The following CRTC3 variants were observed in gnomAD, a reference collection of about 807,000 sequenced individuals.
CRTC3 encodes the protein CREB-regulated transcription coactivator 3.
Under a neutral mutation model 74.5 loss-of-function variants are expected in CRTC3, and 26 were observed. That is an observed-to-expected ratio of 0.35 (90% CI 0.26 to 0.48). The LOEUF is 0.48. Ranked by LOEUF, CRTC3 falls within the 20% of genes least tolerant of loss-of-function variation. The probability of loss-of-function intolerance (pLI) is 0.99; values close to 1 mark genes in which losing one functional copy is unlikely to be tolerated. For missense variants in CRTC3, 760 were observed against 787.3 expected (o/e 0.97, Z 0.41); for synonymous variants, 377 against 325.8 (o/e 1.16, Z -1.69).
intron 2 of CRTC3, among the ~76,000 whole-genome samples, chr15:90,561,546 G>A (rs757650897): frequency 6.6e-6 from 1 of 152,218 alleles, no homozygotes; most frequent in Non-Finnish European, 1.5e-5. Flanking sequence ...GGCGGTGGCA[G>A]TGTAGGACCA....
At chr15:90,544,698 C>T (rs946666487) in intron 2 of CRTC3, among the ~76,000 whole-genome samples, 3 of 152,178 alleles carry the variant, frequency 2.0e-5, no homozygotes, top group Admixed American at 6.5e-5. Flanking sequence ...TATAAGAAAT[C>T]GCCAAGCTGT....
chr15:90,633,227 C>G (rs761760548), intron 11 of CRTC3, among the ~76,000 whole-genome samples: 1 of 146,158 alleles, frequency 6.8e-6, no homozygotes, highest in Non-Finnish European at 1.5e-5. Context: ...TTTTATTAGC[C>G]TGGTTATCTA....
At chr15:90,622,516 A>T (rs1019523109) in intron 9 of CRTC3, among the ~76,000 whole-genome samples, 5 of 152,046 alleles carry the variant, frequency 3.3e-5, no homozygotes, top group African/African-American at 1.2e-4. Flanking sequence ...CTAGTCCTTG[A>T]TCTTTAACCC....
At chr15:90,605,950 C>T (rs1466095073) in intron 5 of CRTC3, among the ~76,000 whole-genome samples, 3 of 152,240 alleles carry the variant, frequency 2.0e-5, no homozygotes, top group Non-Finnish European at 1.5e-5. Context: ...TTTAGGACTA[C>T]TTTACAGCCT....
At chr15:90,635,452 C>G (rs1969198618) in intron 11 of CRTC3, among the ~76,000 whole-genome samples, 3 of 152,122 alleles carry the variant, frequency 2.0e-5, no homozygotes, top group African/African-American at 7.2e-5. Flanking sequence ...CGAGACCAGC[C>G]TGGCCAACAT....
At chr15:90,621,707 C>T (rs1206687364) in intron 9 of CRTC3, among the ~76,000 whole-genome samples, 1 of 152,136 alleles carries the variant, frequency 6.6e-6, no homozygotes, top group Non-Finnish European at 1.5e-5. Flanking sequence ...CCTCCCAAAG[C>T]ACTGGGATTA....
At chr15:90,640,342 C>T (rs929600098) in intron 13 of CRTC3, among the ~76,000 whole-genome samples, 8 of 152,028 alleles carry the variant, frequency 5.3e-5, no homozygotes, top group African/African-American at 1.9e-4. Flanking sequence ...CCTGAGTTTC[C>T]TCCTTCTGAG....
In CRTC3 at chr15:90,531,555, A is replaced by G. The variant is rs540838030; in HGVS notation, c.132+1352A>G. On this transcript the variant is annotated intron_variant, in intron 1 of 14. Transcript: ENST00000268184. ...TCACATTGAGAAAAAATATATATAT[A>G]GAGAGAAAGAAGCTGAAGATTTCAA... Among the ~76,000 whole-genome samples, 3 of 152,326 alleles carry G rather than the reference A, an allele frequency of 2.0e-5. No homozygotes were observed. The South Asian group carries it at 6.2e-4, about 32-fold the overall frequency.
intron 2 of CRTC3, among the ~76,000 whole-genome samples, chr15:90,582,432 C>T (rs76824949): frequency 0.021 from 3,154 of 152,210 alleles, 99 homozygotes; most frequent in African/African-American, 0.073. Flanking sequence ...TTCATTTTAT[C>T]GTGGAAATTT....
rs970869965 is a variant in CRTC3, at chr15:90,642,653, G to A, written c.*513G>A. The A allele has an allele frequency of 4.2e-6, 1 of 237,742 alleles. No homozygotes were observed. The highest frequency in any genetic ancestry group is 2.2e-5 in the African/African-American group (1 of 45,216). The allele number at this position is 237,742 out of a possible 1,614,324, so 14.7% of individuals were successfully genotyped here. A position where few individuals can be genotyped will look rare whatever the true frequency, so the allele number is the denominator to read the frequency against. ...GCGGGGGACATTCCCAGGCTGAGTG[G>A]ACCCCACGGCTCTCTCCCACGCCTG... On this transcript the variant is annotated 3_prime_UTR_variant, in exon 15 of 15. Coordinates refer to ENST00000268184, the MANE Select transcript of CRTC3 (RefSeq NM_022769.5).
intron 2 of CRTC3, among the ~76,000 whole-genome samples, chr15:90,588,709 G>A (rs1368767718): frequency 6.6e-6 from 1 of 152,092 alleles, no homozygotes; most frequent in Non-Finnish European, 1.5e-5. Context: ...GGAGCACCGT[G>A]GGAGGCTCAG....
intron 2 of CRTC3, among the ~76,000 whole-genome samples, chr15:90,563,473 A>G (rs1400583687): frequency 6.6e-6 from 1 of 152,224 alleles, no homozygotes. Flanking sequence ...GAGTTAAAAT[A>G]TAACTCAAGT....
intron 2 of CRTC3, among the ~76,000 whole-genome samples, chr15:90,591,457 A>G (rs1228644672): frequency 6.6e-6 from 1 of 151,756 alleles, no homozygotes; most frequent in Admixed American, 6.6e-5. Context: ...CATTTCAGGA[A>G]CTCTCTGCTT....
chr15:90,531,378 A>G (rs1291487930), intron 1 of CRTC3, among the ~76,000 whole-genome samples: 1 of 152,166 alleles, frequency 6.6e-6, no homozygotes, highest in Non-Finnish European at 1.5e-5. Context: ...TCCCTTTCAA[A>G]TGGAGTAAGA....
chr15:90,559,445 A>G (rs975020885), intron 2 of CRTC3, among the ~76,000 whole-genome samples: 2 of 152,200 alleles, frequency 1.3e-5, no homozygotes, highest in East Asian at 1.9e-4. Context: ...TTCAAGTTGC[A>G]GCTCTGTCAA....
intron 6 of CRTC3, 107 bp downstream of exon 6, chr15:90,607,585 T>C: frequency 1.5e-6 from 1 of 688,142 alleles, no homozygotes; most frequent in Non-Finnish European, 2.5e-6. Flanking sequence ...GGTTCAGTGA[T>C]CTTAGAGAGG....
At chr15:90,596,385 A>G (rs547433764) in intron 3 of CRTC3, 27 of 152,358 alleles carry the variant, frequency 1.8e-4, no homozygotes, top group African/African-American at 6.3e-4. Flanking sequence ...CTCTTATGAT[A>G]GGGTATAATC....
At position 90,619,988 on chromosome 15, in the gene CRTC3, A is replaced by G. The variant is rs1476030900; in HGVS notation, c.749+198A>G. 9 of 568,122 alleles carry G rather than the reference A, an allele frequency of 1.6e-5. 1 individual carries two copies. The highest frequency in any genetic ancestry group is 9.0e-5 in the East Asian group (3 of 33,260). 35.2% of individuals were successfully genotyped at this position (568,122 alleles called of 1,614,324 possible). A position where few individuals can be genotyped will look rare whatever the true frequency, so the allele number is the denominator to read the frequency against. ...TTTAAACTAATTAAATTACATGACT[A>G]TAATAACAAACAAAACTTACATAAG... On this transcript the variant is annotated intron_variant, in intron 9 of 14. Transcript: ENST00000268184.
chr15:90,564,071 A>G (rs1967071320), intron 2 of CRTC3, among the ~76,000 whole-genome samples: 2 of 151,590 alleles, frequency 1.3e-5, no homozygotes, highest in African/African-American at 4.9e-5. Flanking sequence ...TACTGTCTCT[A>G]TTTACAGGGA....
Sources: allele counts gnomAD v4.1 joint callset (sites outside exome capture counted in the v4.1 genomes callset), GRCh38; gene constraint gnomAD v4.1.1; transcripts MANE v1.5; gene names NCBI Gene and HGNC (gene_info 2026-07-23, HGNC 2026-07-21).